CLMP: variants seen among roughly 807,000 people sequenced by gnomAD.
The protein encoded by CLMP is CXADR-like membrane protein.
In CLMP, 27 loss-of-function variants were observed where a neutral mutation model predicts 45.2. The observed-to-expected ratio is 0.60, with a 90% CI of 0.44 to 0.82. CLMP has a LOEUF of 0.82. CLMP is among the 40% of genes least tolerant of loss of function. The pLI is 0.00. For missense variants in CLMP, 403 were observed against 448.4 expected (o/e 0.90, Z 0.91); for synonymous variants, 167 against 171.4 (o/e 0.97, Z 0.20).
At chr11:123,139,536 T>C (rs1041807206) in intron 1 of CLMP, among the ~76,000 whole-genome samples, 2 of 152,168 alleles carry the variant, frequency 1.3e-5, no homozygotes, top group African/African-American at 4.8e-5. Context: ...CTAAAATGGA[T>C]GGTAGAAGGG....
At chr11:123,142,136 C>T (rs1404053963) in intron 1 of CLMP, among the ~76,000 whole-genome samples, 1 of 152,022 alleles carries the variant, frequency 6.6e-6, no homozygotes, top group African/African-American at 2.4e-5. Flanking sequence ...AGGTTCATGC[C>T]ACTATACCTG....
intron 1 of CLMP, among the ~76,000 whole-genome samples, chr11:123,134,750 G>A (rs1390090317): frequency 1.3e-5 from 2 of 151,912 alleles, no homozygotes; most frequent in Admixed American, 1.3e-4. Flanking sequence ...GGAGGTTACA[G>A]TGAACTGAGA....
At chr11:123,193,150 A>C (rs1471613063) in intron 1 of CLMP, 3 of 152,252 alleles carry the variant, frequency 2.0e-5, no homozygotes, top group African/African-American at 4.8e-5. Flanking sequence ...GCGCTTTAGC[A>C]AGCTTTCTCT....
intron 1 of CLMP, among the ~76,000 whole-genome samples, chr11:123,184,668 G>T (rs1465981451): frequency 6.6e-6 from 1 of 152,228 alleles, no homozygotes; most frequent in Admixed American, 6.5e-5. Context: ...AGTCAACATT[G>T]CTGGGAGGGC....
In CLMP at chr11:123,118,919, TTTTCTTTTCTTTTC is replaced by T. The variant is rs1181514871; in HGVS notation, c.29-20981_29-20968del. Among the ~76,000 whole-genome samples the T allele has an allele frequency of 2.9e-3, 405 of 138,082 alleles. 16 individuals are homozygous for T. The highest frequency in any genetic ancestry group is 0.01 in the African/African-American group (380 of 36,456). 90.6% of individuals were successfully genotyped at this position (138,082 alleles called of 152,430 possible). On this transcript the variant is annotated intron_variant, in intron 1 of 6. Coordinates refer to ENST00000448775, the MANE Select transcript of CLMP (RefSeq NM_024769.5). ...GATTGTCTTCCAGGTGATCTTTGCATTTTCTTTTCTTTTCTTTCTTTCTTTCTTTCTTTCTTTCT... is the reference window on the plus strand; with the variant it reads ...GATTGTCTTCCAGGTGATCTTTGCATTTTCTTTCTTTCTTTCTTTCTTTCT...
intron 1 of CLMP, among the ~76,000 whole-genome samples, chr11:123,154,572 A>G (rs1344745923): frequency 1.3e-5 from 2 of 152,158 alleles, no homozygotes; most frequent in South Asian, 4.1e-4. Flanking sequence ...GACATAAGAG[A>G]TATCATGACA....
intron 1 of CLMP, among the ~76,000 whole-genome samples, chr11:123,116,062 C>A (rs982616636): frequency 6.6e-6 from 1 of 152,050 alleles, no homozygotes; most frequent in Admixed American, 6.6e-5. Flanking sequence ...CACAGGGCTG[C>A]CTCACCACAC....
At chr11:123,116,301 TCAC>T (rs1303033407) in intron 1 of CLMP, among the ~76,000 whole-genome samples, 4 of 152,016 alleles carry the variant, frequency 2.6e-5, no homozygotes, top group African/African-American at 9.7e-5. Context: ...GCATGGTGGC[TCAC>T]GCCTGTAATC....
At chr11:123,111,935 A>T (rs1261418560) in intron 1 of CLMP, among the ~76,000 whole-genome samples, 1 of 152,194 alleles carries the variant, frequency 6.6e-6, no homozygotes, top group African/African-American at 2.4e-5. Context: ...TTATTTTTTT[A>T]GAGACGGTAT....
rs1865843016 is a variant in CLMP, at chr11:123,084,621, A to G, written c.279T>C (p.Asp93=). The change falls in exon 3 of 7, where the codon GAT becomes GAC. Residue 93 remains aspartate (D), a synonymous_variant. Coordinates refer to ENST00000448775, the MANE Select transcript of CLMP (RefSeq NM_024769.5). The stretch of plus-strand genomic sequence containing the variant: ...TCAGAGGTTCAATCTGCAAGGAGGC[A>G]TCTCCTGCCAGGAAATTGGAAGCAA... ...VAFASNFLAG[D]ASLQIEPLKP... 6.2e-7 allele frequency: 1 copy of G among 1,614,086 alleles called. No homozygotes were observed. Among genetic ancestry groups the G allele is most frequent in the Admixed American group, 1.7e-5 (1 of 60,002 alleles).
Position 123,084,721 on chromosome 11 carries a change from A to G in CLMP, c.187-8T>C, listed in dbSNP as rs762287014. ...ACTGGAGTAAGTGATCACCTGTGGG[A>G]TAGACCGAGGCAGAGTCAAGCAGCG... On this transcript the variant is annotated splice_polypyrimidine_tract_variant and splice_region_variant and intron_variant, in intron 2 of 6. Coordinates refer to ENST00000448775, the MANE Select transcript of CLMP (RefSeq NM_024769.5). The G allele has an allele frequency of 1.2e-6, 2 of 1,613,378 alleles. No individual in the cohort carries two copies. The highest frequency in any genetic ancestry group is 2.2e-5 in the East Asian group (1 of 44,892).
At chr11:123,096,742 C>T (rs1381101720) in intron 2 of CLMP, among the ~76,000 whole-genome samples, 1 of 152,206 alleles carries the variant, frequency 6.6e-6, no homozygotes, top group East Asian at 1.9e-4. Context: ...CAACATAAAC[C>T]ATGTTATAAA....
Position 123,088,265 on chromosome 11 carries a change from G to A in CLMP, c.187-3552C>T, listed in dbSNP as rs192272186. Among the ~76,000 whole-genome samples the A allele has an allele frequency of 1.9e-3, 287 of 152,228 alleles. 1 individual carries two copies. Among genetic ancestry groups the A allele is most frequent in the African/African-American group, 6.6e-3 (273 of 41,554 alleles). The stretch of plus-strand genomic sequence containing the variant: ...GCTGACTTAGTAATGCAAAATTGCT[G>A]GGATAGTTGGAAAAGAAGGAAATGC... On this transcript the variant is annotated intron_variant, in intron 2 of 6. Coordinates refer to ENST00000448775, the MANE Select transcript of CLMP (RefSeq NM_024769.5).
At chr11:123,105,081 C>T (rs1394033737) in intron 1 of CLMP, among the ~76,000 whole-genome samples, 6 of 152,202 alleles carry the variant, frequency 3.9e-5, no homozygotes, top group African/African-American at 1.4e-4. Flanking sequence ...TTTGCATGCA[C>T]CTCAGGCACT....
chr11:123,165,255 G>A (rs979504905), intron 1 of CLMP, among the ~76,000 whole-genome samples: 7 of 152,290 alleles, frequency 4.6e-5, no homozygotes, highest in African/African-American at 1.4e-4. Context: ...TAAACAGGCT[G>A]CTAAAAACAG....
chr11:123,126,984 T>C (rs1279939467), intron 1 of CLMP, among the ~76,000 whole-genome samples: 1 of 151,892 alleles, frequency 6.6e-6, no homozygotes, highest in Non-Finnish European at 1.5e-5. Context: ...ATGAGAGAAA[T>C]AATTATAAGA....
intron 1 of CLMP, among the ~76,000 whole-genome samples, chr11:123,154,321 C>T (rs2135528479): frequency 1.3e-5 from 2 of 152,296 alleles, no homozygotes; most frequent in Admixed American, 1.3e-4. Flanking sequence ...TGCCCCCTAT[C>T]CTATAGCTCT....
At chr11:123,088,310 T>C (rs1040272584) in intron 2 of CLMP, among the ~76,000 whole-genome samples, 1 of 152,124 alleles carries the variant, frequency 6.6e-6, no homozygotes, top group African/African-American at 2.4e-5. Context: ...AGGAAAAAAC[T>C]GGAAGCTGTA....
chr11:123,160,049 C>T (rs1466705743), intron 1 of CLMP, among the ~76,000 whole-genome samples: 3 of 151,912 alleles, frequency 2.0e-5, no homozygotes, highest in Non-Finnish European at 2.9e-5. Flanking sequence ...GAGGCTGAGG[C>T]GGGAGGATCA....
Sources: allele counts gnomAD v4.1 joint callset (sites outside exome capture counted in the v4.1 genomes callset), GRCh38; gene constraint gnomAD v4.1.1; transcripts MANE v1.5; gene names NCBI Gene and HGNC (gene_info 2026-07-23, HGNC 2026-07-21).